MTRR: variants seen among roughly 807,000 people sequenced by gnomAD.
MTRR encodes 5-methyltetrahydrofolate-homocysteine methyltransferase reductase, also known as methionine synthase reductase.
MTRR carries 63 observed loss-of-function variants against 79.2 expected under a neutral mutation model. The observed-to-expected ratio is 0.80, with a 90% CI of 0.65 to 0.98. MTRR has a LOEUF of 0.98. MTRR is among the 50% of genes least tolerant of loss of function. MTRR has a pLI of 0.00. For synonymous variants in MTRR, 355 were observed against 313.3 expected (o/e 1.13, Z -1.41); for missense variants, 895 against 839.6 (o/e 1.07, Z -0.82).
chr5:7,897,055 T>C lies in MTRR; in HGVS notation c.1770-10T>C. 6.2e-7 allele frequency: 1 copy of C among 1,613,780 alleles called. No individual in the cohort carries two copies. The highest frequency in any genetic ancestry group is 8.5e-7 in the Non-Finnish European group (1 of 1,179,704). Reference sequence around the variant, plus strand: ...AACCTTTTAGTGATCCATTATATATTATATTTCAGAAAAGAGCTCAGACAT... The same window carrying C: ...AACCTTTTAGTGATCCATTATATATCATATTTCAGAAAAGAGCTCAGACAT... On this transcript the variant is annotated splice_polypyrimidine_tract_variant and intron_variant, in intron 13 of 14. Transcript: ENST00000440940.
At position 7,900,504 on chromosome 5, in the gene MTRR, C is replaced by T. The variant is rs1385724555; in HGVS notation, c.*446C>T. On this transcript the variant is annotated 3_prime_UTR_variant, in exon 15 of 15. Coordinates refer to ENST00000440940, the MANE Select transcript of MTRR (RefSeq NM_002454.3). ...ATATGATGTATACCCATAAAGAATGCTCATATTAATGTACTTAAATTACAC... is the reference window on the plus strand; with the variant it reads ...ATATGATGTATACCCATAAAGAATGTTCATATTAATGTACTTAAATTACAC... The T allele has an allele frequency of 1.7e-5, 3 of 173,872 alleles. No homozygotes were observed. In the East Asian group the frequency reaches 4.4e-4, roughly 25 times the overall value. The allele number at this position is 173,872 out of a possible 1,614,324, so 10.8% of individuals were successfully genotyped here.
chr5:7,897,325 C>G (rs2126815549), intron 14 of MTRR, 78 bp downstream of exon 14: 3 of 1,412,224 alleles, frequency 2.1e-6, no homozygotes, highest in Non-Finnish European at 2.0e-6. Flanking sequence ...GACCGAGAAG[C>G]CAATAATCTA....
At chr5:7,866,704 GCATT>G (rs1746977361), upstream of MTRR, 1 of 1,610,154 alleles carries the variant, frequency 6.2e-7, no homozygotes, top group Non-Finnish European at 8.5e-7. Flanking sequence ...TGACTGGATG[GCATT>G]CATTAAGTGA....
In MTRR at chr5:7,897,217, T is replaced by G; in HGVS notation, c.1922T>G (p.Leu641Arg). Residue 641 changes from leucine (L) to arginine (R), a missense_variant, in exon 14 of 15, where the codon CTC becomes CGC. Coordinates refer to ENST00000440940, the MANE Select transcript of MTRR (RefSeq NM_002454.3). ...LHGQQVARIL[L>R]QENGHIYVCG... is the part of the protein sequence containing the mutation. ...GGCCAGCAGGTGGCGAGAATCCTCC[T>G]CCAGGAGAACGGCCATATTTATGTG... The G allele has an allele frequency of 6.2e-7, 1 of 1,614,092 alleles. No homozygotes were observed. Among genetic ancestry groups the G allele is most frequent in the Non-Finnish European group, 8.5e-7 (1 of 1,180,008 alleles).
intron 10 of MTRR, 66 bp downstream of exon 10, chr5:7,891,480 A>G (rs370212700): frequency 4.5e-6 from 6 of 1,326,960 alleles, no homozygotes; most frequent in Middle Eastern, 3.6e-4. Flanking sequence ...AGGCTTCCAG[A>G]TCATTAGAGT....
chr5:7,896,967 A>C lies in MTRR; in HGVS notation c.1769+11A>C. ...GGATTATCTATTCAGGTATTGTACAATTCCAGTATTGTACTCAACCACTGA... is the reference window on the plus strand; with the variant it reads ...GGATTATCTATTCAGGTATTGTACACTTCCAGTATTGTACTCAACCACTGA... On this transcript the variant is annotated intron_variant, in intron 13 of 14. Coordinates refer to ENST00000440940, the MANE Select transcript of MTRR (RefSeq NM_002454.3). The C allele has an allele frequency of 6.2e-7, 1 of 1,613,578 alleles. No homozygotes were observed. Among genetic ancestry groups the C allele is most frequent in the Non-Finnish European group, 8.5e-7 (1 of 1,179,518 alleles).
Position 7,886,530 on chromosome 5 carries a change from A to G in MTRR, c.1058-85A>G, listed in dbSNP as rs1201595037. 7.7e-6 allele frequency: 8 copies of G among 1,040,140 alleles called. No homozygotes were observed. The African/African-American group carries it at 1.1e-4, about 14-fold the overall frequency. 64.4% of individuals were successfully genotyped at this position (1,040,140 alleles called of 1,614,324 possible). A position where few individuals can be genotyped will look rare whatever the true frequency, so the allele number is the denominator to read the frequency against. On this transcript the variant is annotated intron_variant, in intron 7 of 14. Transcript: ENST00000440940. ...ACTTTGATGCGCTGTAAAGTACTACAGTAATTGTGTTTTGGGGAGTGTGTA... is the reference window on the plus strand; with the variant it reads ...ACTTTGATGCGCTGTAAAGTACTACGGTAATTGTGTTTTGGGGAGTGTGTA...
intron 9 of MTRR, 84 bp from the exon 10 acceptor site, chr5:7,891,288 A>G (rs62342551): frequency 4.5e-6 from 3 of 673,656 alleles, no homozygotes; most frequent in Non-Finnish European, 7.1e-6. Context: ...TAAGACATGG[A>G]ATTTTTTTTT....
chr5:7,889,357 G>A (rs1008484789), intron 9 of MTRR, 82 bp downstream of exon 9: 38 of 1,500,344 alleles, frequency 2.5e-5, no homozygotes, highest in African/African-American at 5.5e-5. Flanking sequence ...AAGAAAATTT[G>A]CTGCTCTTGT....
intron 1 of MTRR, among the ~76,000 whole-genome samples, chr5:7,852,456 TA>T (rs1369688754): frequency 6.6e-6 from 1 of 152,188 alleles, no homozygotes; most frequent in East Asian, 1.9e-4. Flanking sequence ...TTTGTCCCAC[TA>T]ACACATCTTT....
At chr5:7,867,826 G>T, upstream of MTRR, 1 of 1,614,186 alleles carries the variant, frequency 6.2e-7, no homozygotes, top group Non-Finnish European at 8.5e-7. Flanking sequence ...GCCTGTCGCA[G>T]TCAGATACTT....
At chr5:7,867,011 C>G, upstream of MTRR, 12 of 1,614,196 alleles carry the variant, frequency 7.4e-6, no homozygotes, top group Non-Finnish European at 1.0e-5. Flanking sequence ...CGCAGCTACA[C>G]GATGCTCTAG....
chr5:7,859,187 T>C (rs1746360069), intron 1 of MTRR: 1 of 264,820 alleles, frequency 3.8e-6, no homozygotes, highest in Non-Finnish European at 7.0e-6. Flanking sequence ...ATTCATTGAA[T>C]TCCTTTACAG....
chr5:7,892,653 T>A, intron 10 of MTRR, 74 bp from the exon 11 acceptor site: 1 of 1,430,950 alleles, frequency 7.0e-7, no homozygotes, highest in South Asian at 1.2e-5. Context: ...CTAAACTGAA[T>A]AAAAGGATTG....
chr5:7,869,670 C>T (rs1220433525), intron 1 of MTRR: 1 of 200,994 alleles, frequency 5.0e-6, no homozygotes, highest in African/African-American at 2.4e-5. Flanking sequence ...GCCTCCGCGC[C>T]GCTTCCGGGG....
At chr5:7,884,547 C>T (rs972792733) in intron 6 of MTRR, among the ~76,000 whole-genome samples, 4 of 151,886 alleles carry the variant, frequency 2.6e-5, no homozygotes, top group African/African-American at 9.7e-5. Context: ...ATTTTCCATT[C>T]AGGTTTGGTT....
chr5:7,858,141 G>T (rs1353214023), intron 1 of MTRR, among the ~76,000 whole-genome samples: 1 of 152,086 alleles, frequency 6.6e-6, no homozygotes, highest in East Asian at 1.9e-4. Context: ...GCACAGTGAG[G>T]GTGGACCAGA....
intron 2 of MTRR, chr5:7,872,398 A>G (rs1332916754): frequency 3.2e-6 from 1 of 315,584 alleles, no homozygotes; most frequent in East Asian, 8.3e-5. Context: ...AGCTCAGCTT[A>G]TAGCTAATGA....
In MTRR at chr5:7,897,258, A is replaced by ATCGTG. The variant is rs1181424630; in HGVS notation, c.1952+12_1952+16dup. On this transcript the variant is annotated intron_variant, in intron 14 of 14. Transcript: ENST00000440940. ...TATTTATGTGTGTGGGTGAGTCATT[A>ATCGTG]TCGTGCCTAAGTCGGGTAGGAGAGG... is the stretch of plus-strand genomic sequence containing the variant. 5 of 1,613,566 alleles carry ATCGTG rather than the reference A, an allele frequency of 3.1e-6. No individual in the cohort carries two copies. In the East Asian group the frequency reaches 1.1e-4, roughly 36 times the overall value.
Sources: allele counts gnomAD v4.1 joint callset (sites outside exome capture counted in the v4.1 genomes callset), GRCh38; gene constraint gnomAD v4.1.1; transcripts MANE v1.5; gene names NCBI Gene and HGNC (gene_info 2026-07-23, HGNC 2026-07-21).